The following MCM4 variants were observed in gnomAD, a reference collection of about 807,000 sequenced individuals.
The protein encoded by MCM4 is minichromosome maintenance complex component 4.
Under a neutral mutation model 88.7 loss-of-function variants are expected in MCM4, and 60 were observed. That is an observed-to-expected ratio of 0.68 (90% confidence interval 0.55 to 0.84). The LOEUF (loss-of-function observed/expected upper bound fraction) is 0.84. Ranked by LOEUF, MCM4 falls within the 40% of genes least tolerant of loss-of-function variation. MCM4 has a pLI of 0.00. For missense variants in MCM4, 1,149 were observed against 1,105.5 expected (o/e 1.04, Z -0.56); for synonymous variants, 465 against 410.5 (o/e 1.13, Z -1.61).
intron 3 of MCM4, 98 bp from the exon 4 acceptor site, chr8:47,961,955 C>T: frequency 1.7e-6 from 2 of 1,158,928 alleles, no homozygotes; most frequent in Non-Finnish European, 2.5e-6. Flanking sequence ...AATAAATATT[C>T]AGTTTGCTGT....
intron 8 of MCM4, 54 bp downstream of exon 8, chr8:47,964,766 A>G: frequency 7.0e-7 from 1 of 1,428,092 alleles, no homozygotes; most frequent in Non-Finnish European, 9.4e-7. Flanking sequence ...CTTACATGAA[A>G]ATAGCCTTGT....
chr8:47,967,616 T>G, intron 10 of MCM4, 131 bp downstream of exon 10: 2 of 1,192,492 alleles, frequency 1.7e-6, no homozygotes, highest in Non-Finnish European at 2.4e-6. Context: ...TTTGAGACTG[T>G]GGGGTATATC....
chr8:47,973,170 C>G lies in MCM4; in HGVS notation c.2136+106C>G. The G allele has an allele frequency of 2.9e-6, 3 of 1,034,722 alleles. No individual in the cohort carries two copies. The South Asian group carries it at 4.7e-5, about 16-fold the overall frequency. The allele number at this position is 1,034,722 out of a possible 1,614,324, so 64.1% of individuals were successfully genotyped here. Reference sequence around the variant, plus strand: ...TAATTATTTTGTTACGAATAACATACTGTTCTCTTCCTTGTTTTGAGACAG... The same window carrying G: ...TAATTATTTTGTTACGAATAACATAGTGTTCTCTTCCTTGTTTTGAGACAG... On this transcript the variant is annotated intron_variant, in intron 14 of 16. Coordinates refer to ENST00000649973, the MANE Select transcript of MCM4 (RefSeq NM_182746.3).
intron 15 of MCM4, 116 bp downstream of exon 15, chr8:47,975,078 T>C (rs1275785447): frequency 1.2e-6 from 1 of 842,108 alleles, no homozygotes; most frequent in African/African-American, 1.7e-5. Flanking sequence ...TCTTAACCTT[T>C]TTTGGATTAG....
At chr8:47,964,529 C>G (rs552536786) in intron 7 of MCM4, 45 bp from the exon 8 acceptor site, 1 of 1,465,226 alleles carries the variant, frequency 6.8e-7, no homozygotes, top group Non-Finnish European at 9.2e-7. Context: ...TTATATTTAA[C>G]ACTGAGATAT....
Position 47,967,592 on chromosome 8 carries a change from T to C in MCM4, c.1174+107T>C, listed in dbSNP as rs879143919. 4.3e-6 allele frequency: 6 copies of C among 1,397,054 alleles called. No homozygotes were observed. The South Asian group carries it at 7.8e-5, about 18-fold the overall frequency. The allele number at this position is 1,397,054 out of a possible 1,614,324, so 86.5% of individuals were successfully genotyped here. On this transcript the variant is annotated intron_variant, in intron 10 of 16. Coordinates refer to ENST00000649973, the MANE Select transcript of MCM4 (RefSeq NM_182746.3). ...TCACAGGTCCAGTTCTACCTCCAGT[T>C]GTCACTGCTTGTCTTTGAGACTGTG...
intron 7 of MCM4, 136 bp downstream of exon 7, chr8:47,963,176 G>A (rs924494930): frequency 8.9e-6 from 5 of 563,732 alleles, no homozygotes; most frequent in Non-Finnish European, 1.6e-5. Flanking sequence ...CCTTTGGCCC[G>A]GTGTGGTGGC....
At chr8:47,974,656 G>C in intron 14 of MCM4, 78 bp from the exon 15 acceptor site, 1 of 1,088,866 alleles carries the variant, frequency 9.2e-7, no homozygotes, top group Non-Finnish European at 1.4e-6. Context: ...GGAAGCCTAA[G>C]TGTTCAAAAT....
At chr8:47,967,913 T>C (rs2090914582) in intron 10 of MCM4, among the ~76,000 whole-genome samples, 1 of 152,222 alleles carries the variant, frequency 6.6e-6, no homozygotes, top group South Asian at 2.1e-4. Context: ...ATTTCCCAAA[T>C]GTATAGCCAA....
chr8:47,962,973 A>G lies in MCM4; in HGVS notation c.626A>G (p.Asn209Ser), dbSNP rs1329681546. The change falls in exon 7 of 17, where the codon AAT (asparagine) becomes AGT (serine). Residue 209 changes from asparagine to serine, a missense_variant. Transcript: ENST00000649973. The stretch of plus-strand genomic sequence containing the variant: ...AATGTTATTGGTGAGCCATTTTTAA[A>G]TGTGAACTGTGAACACATCAAATCA... Reference protein sequence around the residue: ...EINVIGEPFLNVNCEHIKSFD... With the variant: ...EINVIGEPFLSVNCEHIKSFD... 6.2e-7 allele frequency: 1 copy of G among 1,605,942 alleles called. No homozygotes were observed. Among genetic ancestry groups the G allele is most frequent in the Non-Finnish European group, 8.5e-7 (1 of 1,176,938 alleles).
chr8:47,976,577 A>C (rs1272699438), intron 16 of MCM4, 109 bp from the exon 17 acceptor site: 8 of 761,678 alleles, frequency 1.1e-5, no homozygotes, highest in Admixed American at 9.3e-5. Context: ...ACAGCCACCA[A>C]AAAGAGAAAG....
chr8:47,966,150 C>A (rs376793396), intron 8 of MCM4, 37 bp from the exon 9 acceptor site: 2 of 1,500,358 alleles, frequency 1.3e-6, no homozygotes, highest in African/African-American at 1.4e-5. Context: ...CTCCACACCT[C>A]AGGTCAGGTG....
chr8:47,976,890 T>C lies in MCM4; in HGVS notation c.*112T>C. The C allele has an allele frequency of 3.1e-6, 2 of 636,844 alleles. No homozygotes were observed. Among genetic ancestry groups the C allele is most frequent in the Middle Eastern group, 4.2e-4 (1 of 2,404 alleles). 39.4% of individuals were successfully genotyped at this position (636,844 alleles called of 1,614,324 possible). On this transcript the variant is annotated 3_prime_UTR_variant, in exon 17 of 17. Transcript: ENST00000649973. ...GTGTAAATAGAGCTTAAAGTCATGG[T>C]TTGGCTGCATAAAAATTTTCTAACT... is the stretch of plus-strand genomic sequence containing the variant.
chr8:47,961,580 G>T lies in MCM4; in HGVS notation c.135G>T (p.Thr45=). Residue 45 remains threonine (T), a synonymous_variant, in exon 3 of 17, where the codon ACG becomes ACT. Coordinates refer to ENST00000649973, the MANE Select transcript of MCM4 (RefSeq NM_182746.3). ...QRRRGEDSTS[T]GELQPMPTSP... ...GTAGAGGCGAGGATTCCACCTCCACGGGGGAGTTGCAGCCGATGCCAACCT... is the reference window on the plus strand; with the variant it reads ...GTAGAGGCGAGGATTCCACCTCCACTGGGGAGTTGCAGCCGATGCCAACCT... 6.2e-7 allele frequency: 1 copy of T among 1,614,132 alleles called. No homozygotes were observed. Among genetic ancestry groups the T allele is most frequent in the African/African-American group, 1.3e-5 (1 of 75,048 alleles).
intron 6 of MCM4, 27 bp downstream of exon 6, chr8:47,962,886 T>G: frequency 6.3e-7 from 1 of 1,576,792 alleles, no homozygotes; most frequent in Non-Finnish European, 8.6e-7. Flanking sequence ...TAAATTCAAG[T>G]TACGTGTTTT....
Position 47,972,875 on chromosome 8 carries a change from C to T in MCM4, c.1947C>T (p.Leu649=), listed in dbSNP as rs767540672. 20 of 1,614,006 alleles carry T rather than the reference C, an allele frequency of 1.2e-5. No individual in the cohort carries two copies. In the Admixed American group the frequency reaches 2.2e-4, roughly 17 times the overall value. Residue 649 remains leucine (L), a synonymous_variant, in exon 14 of 17, where the codon CTC becomes CTT. Coordinates refer to ENST00000649973, the MANE Select transcript of MCM4 (RefSeq NM_182746.3). ...TTCTTAGGTTTGATTTGATCTTCCT[C>T]TTGCTGGACCCTCAGGACGAAGCCT... is the stretch of plus-strand genomic sequence containing the variant. ...TLLSRFDLIF[L]LLDPQDEAYD...
intron 13 of MCM4, among the ~76,000 whole-genome samples, chr8:47,971,774 GATTT>G (rs1449071486): frequency 6.6e-6 from 1 of 152,148 alleles, no homozygotes; most frequent in Non-Finnish European, 1.5e-5. Flanking sequence ...TGAAAAGTTA[GATTT>G]ATTAAAGTGC....
chr8:47,960,968 G>T lies in MCM4; in HGVS notation c.-61G>T. The T allele has an allele frequency of 1.7e-6, 1 of 603,210 alleles. No homozygotes were observed. Among genetic ancestry groups the T allele is most frequent in the Non-Finnish European group, 2.6e-6 (1 of 378,898 alleles). The allele number at this position is 603,210 out of a possible 1,614,324, so 37.4% of individuals were successfully genotyped here. ...GGTTTGGGAGCGCTACTCGCCAGGT[G>T]GACTCGGAGTCCGCGAGCGTCGTCG... On this transcript the variant is annotated 5_prime_UTR_variant, in exon 1 of 17. Coordinates refer to ENST00000649973, the MANE Select transcript of MCM4 (RefSeq NM_182746.3).
In MCM4 at chr8:47,962,839, T is replaced by C. The variant is rs775904573; in HGVS notation, c.577T>C (p.Tyr193His). ...TGGCATAGATATTACTGAACCTCTA[T>C]ACATGCAACGACTTGGGGAGGTAAT... ...NVGIDITEPL[Y>H]MQRLGEINVI... is the part of the protein sequence containing the mutation. Residue 193 changes from tyrosine (Y) to histidine (H), a missense_variant, in exon 6 of 17, where the codon TAC becomes CAC. Physicochemically the swap from Tyr to His is moderately conservative, Grantham distance 83 (BLOSUM62 2). Around this residue, in one of 3 missense-constraint regions of MCM4, gnomAD observed 906 missense variants for 843.0 expected, o/e 1.07. Coordinates refer to ENST00000649973, the MANE Select transcript of MCM4 (RefSeq NM_182746.3). 11 of 1,607,828 alleles carry C rather than the reference T, an allele frequency of 6.8e-6. No individual in the cohort carries two copies. The highest frequency in any genetic ancestry group is 9.3e-6 in the Non-Finnish European group (11 of 1,178,134).
Sources: allele counts gnomAD v4.1 joint callset (sites outside exome capture counted in the v4.1 genomes callset), GRCh38; gene constraint gnomAD v4.1.1; regional missense constraint gnomAD v4.1.1; transcripts MANE v1.5; gene names NCBI Gene and HGNC (gene_info 2026-07-23, HGNC 2026-07-21).